The following ADARB2 variants were observed in gnomAD, a reference collection of about 807,000 sequenced individuals.
The protein encoded by ADARB2 is inactive double-stranded RNA-specific editase B2.
In ADARB2, 25 loss-of-function variants were observed where a neutral mutation model predicts 62.2. The ratio of observed to expected loss-of-function variants is 0.40; its 90% CI spans 0.29 to 0.56. The LOEUF (loss-of-function observed/expected upper bound fraction) is 0.56. Ranked by LOEUF, ADARB2 falls within the 20% of genes least tolerant of loss-of-function variation. The pLI is 0.43. For synonymous variants in ADARB2, 572 were observed against 500.8 expected, an observed-to-expected ratio of 1.14 and a Z score of -1.90; for missense variants, 1,071 against 1,077.4, an observed-to-expected ratio of 0.99 and a Z score of 0.08.
intron 1 of ADARB2, among the ~76,000 whole-genome samples, chr10:1,519,118 C>A (rs1276041719): frequency 1.3e-5 from 2 of 151,174 alleles, no homozygotes; most frequent in African/African-American, 4.9e-5. Flanking sequence ...CATACGCATT[C>A]ATTCCGTGTA....
chr10:1,300,493 C>A (rs1831563649), intron 3 of ADARB2, among the ~76,000 whole-genome samples: 1 of 152,214 alleles, frequency 6.6e-6, no homozygotes, highest in South Asian at 2.1e-4. Flanking sequence ...CTAATCAATT[C>A]CCCCCATGTG....
intron 1 of ADARB2, among the ~76,000 whole-genome samples, chr10:1,556,158 G>A (rs537236513): frequency 7.2e-5 from 11 of 152,090 alleles, no homozygotes; most frequent in South Asian, 4.2e-4. Context: ...GCACCTTCCC[G>A]TGGCTGGGAA....
At chr10:1,348,983 G>C (rs1832108301) in intron 3 of ADARB2, among the ~76,000 whole-genome samples, 1 of 150,086 alleles carries the variant, frequency 6.7e-6, no homozygotes, top group South Asian at 2.2e-4. Context: ...AGGGGAGAGG[G>C]CTCAGGGGAT....
chr10:1,368,341 C>T (rs1483172604), intron 2 of ADARB2, among the ~76,000 whole-genome samples: 3 of 152,150 alleles, frequency 2.0e-5, no homozygotes, highest in African/African-American at 4.8e-5. Context: ...GAACATGGGA[C>T]GCATTTTGAA....
intron 7 of ADARB2, among the ~76,000 whole-genome samples, chr10:1,212,931 A>G (rs1450705296): frequency 1.3e-5 from 2 of 152,180 alleles, no homozygotes; most frequent in African/African-American, 2.4e-5. Flanking sequence ...GTCAGAACTC[A>G]GACGCAGAAG....
intron 1 of ADARB2, among the ~76,000 whole-genome samples, chr10:1,458,494 A>G (rs777543180): frequency 2.6e-5 from 4 of 152,250 alleles, no homozygotes; most frequent in Non-Finnish European, 4.4e-5. Context: ...AAAGTCAAGA[A>G]GCCCTGCTCA....
At chr10:1,428,052 C>A (rs971957459) in intron 1 of ADARB2, among the ~76,000 whole-genome samples, 1 of 151,044 alleles carries the variant, frequency 6.6e-6, no homozygotes. Flanking sequence ...CTCACTGCAA[C>A]CTCTGCCTCC....
chr10:1,504,575 T>C (rs1831812139), intron 1 of ADARB2, among the ~76,000 whole-genome samples: 1 of 152,176 alleles, frequency 6.6e-6, no homozygotes, highest in South Asian at 2.1e-4. Context: ...GACGTTCACA[T>C]GGAGCTCCTG....
At chr10:1,604,440 C>G (rs1231453606) in intron 1 of ADARB2, among the ~76,000 whole-genome samples, 2 of 152,142 alleles carry the variant, frequency 1.3e-5, no homozygotes, top group Admixed American at 6.5e-5. Context: ...AGATTCGACC[C>G]AGATCCCTAG....
intron 1 of ADARB2, among the ~76,000 whole-genome samples, chr10:1,407,470 G>C (rs1388572778): frequency 6.6e-6 from 1 of 152,234 alleles, no homozygotes; most frequent in Non-Finnish European, 1.5e-5. Flanking sequence ...TGCAGGGCTA[G>C]GCTGCCCTTA....
At chr10:1,598,934 C>A (rs371365833) in intron 1 of ADARB2, among the ~76,000 whole-genome samples, 6 of 152,196 alleles carry the variant, frequency 3.9e-5, no homozygotes, top group Non-Finnish European at 8.8e-5. Flanking sequence ...AGCCCAGGGC[C>A]GCGGTGCACA....
At chr10:1,435,260 AG>A (rs1444344624) in intron 1 of ADARB2, among the ~76,000 whole-genome samples, 1 of 152,184 alleles carries the variant, frequency 6.6e-6, no homozygotes, top group Non-Finnish European at 1.5e-5. Context: ...GTGAGACAAG[AG>A]CGGGGCTCAG....
At position 1,704,064 on chromosome 10, in the gene ADARB2, ATAT is replaced by A. The variant is rs1435494750; in HGVS notation, c.100+32984_100+32986del. 5.8e-4 allele frequency among the ~76,000 whole-genome samples: 88 copies of A among 152,302 alleles called. No homozygotes were observed. The highest frequency in any genetic ancestry group is 2.6e-4 in the Admixed American group (4 of 15,300). ...TTAGTATCTTAAAAGAACAAACACT[ATAT>A]CTAACTTCCTGTGGGTCAGGAATCC... On this transcript the variant is annotated intron_variant, in intron 1 of 9. Transcript: ENST00000381312. This position sits in a 1 kb window ranked among gnomAD's most constrained non-coding sequence, Gnocchi z 5.6.
chr10:1,593,112 G>A, intron 1 of ADARB2, among the ~76,000 whole-genome samples: 1 of 106,150 alleles, frequency 9.4e-6, no homozygotes, highest in Middle Eastern at 5.4e-3. Context: ...CTCCTCTCTG[G>A]CATGGTCCCC....
chr10:1,228,929 C>G (rs1830772553), intron 6 of ADARB2, among the ~76,000 whole-genome samples: 1 of 152,200 alleles, frequency 6.6e-6, no homozygotes, highest in African/African-American at 2.4e-5. Context: ...CCTGCTGGCT[C>G]AAAACCCGAC....
At chr10:1,353,986 C>T (rs1270314389) in intron 3 of ADARB2, among the ~76,000 whole-genome samples, 3 of 152,128 alleles carry the variant, frequency 2.0e-5, no homozygotes, top group African/African-American at 4.8e-5. Context: ...AAACCGTATC[C>T]AGGCCATCAC....
At chr10:1,386,503 A>G (rs973547349) in intron 1 of ADARB2, among the ~76,000 whole-genome samples, 1 of 152,000 alleles carries the variant, frequency 6.6e-6, no homozygotes, top group African/African-American at 2.4e-5. Context: ...TTATTTTAAG[A>G]AAGATGGAAT....
intron 1 of ADARB2, among the ~76,000 whole-genome samples, chr10:1,577,770 A>G (rs1453788946): frequency 6.6e-6 from 1 of 152,222 alleles, no homozygotes; most frequent in Non-Finnish European, 1.5e-5. Context: ...CTGAAGCCCT[A>G]ACCCCCAGGA....
chr10:1,273,216 G>A (rs1379879288), intron 3 of ADARB2, among the ~76,000 whole-genome samples: 3 of 152,134 alleles, frequency 2.0e-5, no homozygotes, highest in East Asian at 1.9e-4. Context: ...CTGCACCCTC[G>A]TTTACTCTTT....
Sources: allele counts gnomAD v4.1 joint callset (sites outside exome capture counted in the v4.1 genomes callset), GRCh38; gene constraint gnomAD v4.1.1; non-coding constraint Gnocchi (gnomAD v3.1); transcripts MANE v1.5; gene names NCBI Gene and HGNC (gene_info 2026-07-23, HGNC 2026-07-21).